TAFA2: variants seen among roughly 807,000 people sequenced by gnomAD.
TAFA2 encodes TAFA chemokine like family member 2.
Under a neutral mutation model 18.8 loss-of-function variants are expected in TAFA2, and 7 were observed. The observed-to-expected ratio is 0.37, with a 90% CI of 0.21 to 0.70. TAFA2 has a LOEUF of 0.70. Ranked by LOEUF, TAFA2 falls within the 30% of genes least tolerant of loss-of-function variation. The pLI is 0.53. For missense variants in TAFA2, 122 were observed against 158.1 expected (o/e 0.77, Z 1.23); for synonymous variants, 60 against 54.2 (o/e 1.11, Z -0.47).
At chr12:62,069,922 A>C (rs348644) in intron 1 of TAFA2, among the ~76,000 whole-genome samples, 103,298 of 152,038 alleles carry the variant, frequency 0.68, 35,421 homozygotes, top group African/African-American at 0.75. Context: ...CAAGTTCTTC[A>C]TAAAATTTAT....
At chr12:62,059,691 T>A (rs527847789) in intron 1 of TAFA2, among the ~76,000 whole-genome samples, 30 of 152,318 alleles carry the variant, frequency 2.0e-4, no homozygotes, top group African/African-American at 7.2e-4. Context: ...GCAGGAGTCA[T>A]GATAAGTTTA....
At chr12:62,147,342 A>G (rs956996035) in intron 1 of TAFA2, among the ~76,000 whole-genome samples, 33 of 76,672 alleles carry the variant, frequency 4.3e-4, no homozygotes, top group Middle Eastern at 8.9e-3. Context: ...ATATATATAT[A>G]TATATATATA....
At chr12:62,227,638 T>G (rs2062792972) in intron 1 of TAFA2, among the ~76,000 whole-genome samples, 1 of 152,152 alleles carries the variant, frequency 6.6e-6, no homozygotes, top group Admixed American at 6.5e-5. Flanking sequence ...ATAATAACAT[T>G]TGTCTATTTG....
intron 1 of TAFA2, chr12:62,242,511 G>T: frequency 6.5e-6 from 1 of 154,378 alleles, no homozygotes; most frequent in South Asian, 1.8e-4. Flanking sequence ...GTTTTGAGAT[G>T]AGGAGGTCTC....
chr12:61,881,850 C>T (rs775659917), intron 1 of TAFA2, among the ~76,000 whole-genome samples: 5 of 151,700 alleles, frequency 3.3e-5, no homozygotes, highest in Admixed American at 2.6e-4. Context: ...GGCTTCAGTT[C>T]GAAGCCATCT....
chr12:61,777,498 T>C (rs954311375), intron 2 of TAFA2, among the ~76,000 whole-genome samples: 4 of 151,768 alleles, frequency 2.6e-5, no homozygotes, highest in Non-Finnish European at 4.4e-5. Context: ...GTACAACAGA[T>C]GTCAATGGTT....
chr12:62,109,443 G>C (rs1300380351), intron 1 of TAFA2, among the ~76,000 whole-genome samples: 1 of 152,152 alleles, frequency 6.6e-6, no homozygotes, highest in Non-Finnish European at 1.5e-5. Context: ...TTTTTGCTTA[G>C]GACTGTCTTG....
intron 1 of TAFA2, among the ~76,000 whole-genome samples, chr12:62,143,039 G>T (rs1016127106): frequency 1.3e-5 from 2 of 152,124 alleles, no homozygotes; most frequent in African/African-American, 4.8e-5. Context: ...GGATTCTACG[G>T]ATATCACTAT....
At chr12:61,744,392 A>G (rs1178287055) in intron 4 of TAFA2, among the ~76,000 whole-genome samples, 2 of 152,118 alleles carry the variant, frequency 1.3e-5, no homozygotes, top group Admixed American at 6.6e-5. Flanking sequence ...TTCTCATTTC[A>G]ATTACAAAAA....
chr12:62,022,433 A>G (rs1020316015), intron 1 of TAFA2, among the ~76,000 whole-genome samples: 9 of 152,172 alleles, frequency 5.9e-5, no homozygotes, highest in African/African-American at 2.2e-4. Flanking sequence ...CTCTAAGAAG[A>G]ATTAATTATC....
intron 1 of TAFA2, chr12:62,022,037 T>A: frequency 1.6e-6 from 1 of 614,206 alleles, no homozygotes; most frequent in Non-Finnish European, 3.2e-6. Flanking sequence ...CTTATCAGCA[T>A]AAAGCTCTAC....
chr12:62,174,322 AAAG>A (rs982408910), intron 1 of TAFA2, among the ~76,000 whole-genome samples: 38 of 150,616 alleles, frequency 2.5e-4, no homozygotes, highest in South Asian at 8.4e-4. Context: ...CTCAAAAAAA[AAAG>A]AAGAAGAAGG....
chr12:62,212,854 C>T (rs2062719822), intron 1 of TAFA2, among the ~76,000 whole-genome samples: 1 of 151,932 alleles, frequency 6.6e-6, no homozygotes, highest in Non-Finnish European at 1.5e-5. Flanking sequence ...AAAAAATACA[C>T]CTAACCACAT....
chr12:61,961,707 T>A (rs1421744813), intron 1 of TAFA2, among the ~76,000 whole-genome samples: 1 of 151,986 alleles, frequency 6.6e-6, no homozygotes, highest in Non-Finnish European at 1.5e-5. Context: ...TTACTCCTTC[T>A]CTATGTAGTA....
chr12:61,846,884 A>G (rs1296001451), intron 2 of TAFA2, among the ~76,000 whole-genome samples: 1 of 152,156 alleles, frequency 6.6e-6, no homozygotes, highest in Non-Finnish European at 1.5e-5. Context: ...TACTCCAGAG[A>G]AAGTGAAAAC....
At chr12:61,793,379 T>A (rs1200367124) in intron 2 of TAFA2, among the ~76,000 whole-genome samples, 1 of 150,680 alleles carries the variant, frequency 6.6e-6, no homozygotes, top group Non-Finnish European at 1.5e-5. Context: ...CAAGAACAAA[T>A]GTTAGAAGAA....
intron 1 of TAFA2, among the ~76,000 whole-genome samples, chr12:61,882,911 T>G (rs1280673007): frequency 6.6e-6 from 1 of 152,140 alleles, no homozygotes; most frequent in African/African-American, 2.4e-5. Flanking sequence ...CTTAACTACC[T>G]CACAAGGTTG....
At chr12:62,089,938 C>T (rs1330378968) in intron 1 of TAFA2, among the ~76,000 whole-genome samples, 1 of 152,062 alleles carries the variant, frequency 6.6e-6, no homozygotes, top group Non-Finnish European at 1.5e-5. Context: ...CATCAAATCG[C>T]ATTCATTATT....
chr12:62,082,217 T>A (rs1407888019), intron 1 of TAFA2, among the ~76,000 whole-genome samples: 1 of 152,216 alleles, frequency 6.6e-6, no homozygotes, highest in Admixed American at 6.5e-5. Context: ...AGGTTGATTC[T>A]ATGTCTTTGC....
Sources: allele counts gnomAD v4.1 joint callset (sites outside exome capture counted in the v4.1 genomes callset), GRCh38; gene constraint gnomAD v4.1.1; transcripts MANE v1.5; gene names NCBI Gene and HGNC (gene_info 2026-07-23, HGNC 2026-07-21).